The following SIPA1L1 variants were observed in gnomAD, a reference collection of about 807,000 sequenced individuals.
SIPA1L1 encodes signal induced proliferation associated 1 like 1, also known as signal-induced proliferation-associated 1-like protein 1.
A neutral mutation model predicts 162.7 loss-of-function variants in SIPA1L1; 26 were observed. The observed-to-expected ratio is 0.16, with a 90% CI of 0.12 to 0.22. SIPA1L1 has a LOEUF of 0.22. Among genes scored for constraint, SIPA1L1 ranks in the 10% least tolerant of loss-of-function variants. The pLI, the probability that SIPA1L1 is intolerant of heterozygous loss-of-function variation, is 1.00. For synonymous variants in SIPA1L1, 829 were observed against 837.4 expected, an observed-to-expected ratio of 0.99 and a Z score of 0.17; for missense variants, 1,874 against 2,241.0, an observed-to-expected ratio of 0.84 and a Z score of 3.31.
chr14:71,494,187 C>A (rs1322296108), intron 2 of SIPA1L1, among the ~76,000 whole-genome samples: 1 of 152,174 alleles, frequency 6.6e-6, no homozygotes, highest in Non-Finnish European at 1.5e-5. Flanking sequence ...TGACAGTGGA[C>A]GTCCTTGTTT....
At chr14:71,736,993 G>A (rs2085356487) in intron 22 of SIPA1L1, among the ~76,000 whole-genome samples, 1 of 152,196 alleles carries the variant, frequency 6.6e-6, no homozygotes, top group African/African-American at 2.4e-5. Flanking sequence ...CACATCCGTG[G>A]CCTTCAGCCC....
intron 17 of SIPA1L1, among the ~76,000 whole-genome samples, chr14:71,711,147 T>C (rs751250438): frequency 5.5e-4 from 84 of 152,364 alleles, no homozygotes; most frequent in Non-Finnish European, 9.8e-4. Flanking sequence ...GGAAACTCCA[T>C]GGCTTCCAAG....
At chr14:71,370,858 A>G (rs906608540) in intron 2 of SIPA1L1, among the ~76,000 whole-genome samples, 1 of 152,140 alleles carries the variant, frequency 6.6e-6, no homozygotes, top group Non-Finnish European at 1.5e-5. Flanking sequence ...TATGTTATTT[A>G]TATTTGTATA....
chr14:71,385,237 A>G (rs766950167), intron 2 of SIPA1L1, among the ~76,000 whole-genome samples: 10 of 152,302 alleles, frequency 6.6e-5, no homozygotes, highest in African/African-American at 1.7e-4. Flanking sequence ...CTTCCTCAAC[A>G]TGGTCAAGGT....
At chr14:71,715,627 T>A (rs8007783) in intron 17 of SIPA1L1, among the ~76,000 whole-genome samples, 13,791 of 152,298 alleles carry the variant, frequency 0.091, 720 homozygotes, top group African/African-American at 0.13. Flanking sequence ...TAAAAAAGAT[T>A]ATCAAATGTA....
chr14:71,665,803 A>G (rs1182535293), intron 10 of SIPA1L1, among the ~76,000 whole-genome samples: 1 of 152,196 alleles, frequency 6.6e-6, no homozygotes, highest in Non-Finnish European at 1.5e-5. Flanking sequence ...TTGTTCCTAT[A>G]TGATAACGTT....
chr14:71,512,638 G>A (rs1250634221), intron 2 of SIPA1L1, 105 bp from the exon 3 acceptor site: 2 of 118,908 alleles, frequency 1.7e-5, no homozygotes, highest in Non-Finnish European at 3.3e-5. Context: ...GCCCTGCAAT[G>A]CCATCTTTTG....
At chr14:71,715,640 G>A (rs1436158660) in intron 17 of SIPA1L1, among the ~76,000 whole-genome samples, 1 of 152,168 alleles carries the variant, frequency 6.6e-6, no homozygotes, top group African/African-American at 2.4e-5. Flanking sequence ...CAAATGTATT[G>A]CAAACTGTAA....
chr14:71,411,495 C>T (rs192707696), intron 2 of SIPA1L1, among the ~76,000 whole-genome samples: 431 of 152,270 alleles, frequency 2.8e-3, no homozygotes, highest in Non-Finnish European at 5.0e-3. Flanking sequence ...TGTCTTCTCT[C>T]TGTAGTGGAG....
intron 2 of SIPA1L1, among the ~76,000 whole-genome samples, chr14:71,446,733 A>G (rs1395583785): frequency 2.0e-5 from 3 of 152,144 alleles, no homozygotes; most frequent in Non-Finnish European, 4.4e-5. Flanking sequence ...ATTAGGTCAG[A>G]GTGTCTGAAT....
intron 2 of SIPA1L1, among the ~76,000 whole-genome samples, chr14:71,425,835 C>T (rs1595396920): frequency 6.9e-6 from 1 of 145,082 alleles, no homozygotes; most frequent in Middle Eastern, 4.0e-3. Context: ...GTCTATTTCT[C>T]TCTTTGGTTT....
intron 5 of SIPA1L1, among the ~76,000 whole-genome samples, chr14:71,608,338 A>C (rs188587851): frequency 1.7e-3 from 264 of 152,290 alleles, no homozygotes; most frequent in Non-Finnish European, 2.7e-3. Flanking sequence ...TAAATCCTTC[A>C]ATAGCCTTTT....
At chr14:71,595,935 G>A (rs948694984) in intron 5 of SIPA1L1, among the ~76,000 whole-genome samples, 4 of 152,062 alleles carry the variant, frequency 2.6e-5, no homozygotes, top group Non-Finnish European at 5.9e-5. Context: ...CCAAATTCTA[G>A]GTTTCTTAGT....
At chr14:71,698,930 G>A (rs1409743499) in intron 13 of SIPA1L1, 51 bp from the exon 14 acceptor site, 1 of 1,603,484 alleles carries the variant, frequency 6.2e-7, no homozygotes, top group Non-Finnish European at 8.5e-7. Context: ...GCGTTGCCTT[G>A]GGATTTTCCC....
intron 2 of SIPA1L1, among the ~76,000 whole-genome samples, chr14:71,331,817 C>T (rs1478104090): frequency 6.6e-6 from 1 of 152,074 alleles, no homozygotes; most frequent in African/African-American, 2.4e-5. Context: ...AACCACAGCA[C>T]TGTTTTATAT....
At chr14:71,558,421 T>C (rs2056521401) in intron 4 of SIPA1L1, among the ~76,000 whole-genome samples, 2 of 152,292 alleles carry the variant, frequency 1.3e-5, no homozygotes, top group East Asian at 1.9e-4. Context: ...TAGGAGACAG[T>C]AGGAAACTAC....
intron 7 of SIPA1L1, among the ~76,000 whole-genome samples, chr14:71,629,271 C>G (rs1025824823): frequency 6.6e-6 from 1 of 152,180 alleles, no homozygotes; most frequent in Admixed American, 6.5e-5. Context: ...GTGACTAGGC[C>G]AGGCACTGTG....
chr14:71,544,164 T>C (rs1477342253), intron 4 of SIPA1L1, among the ~76,000 whole-genome samples: 8 of 139,376 alleles, frequency 5.7e-5, no homozygotes, highest in African/African-American at 1.0e-4. Context: ...TGTGTATATG[T>C]ACATATATGC....
intron 3 of SIPA1L1, among the ~76,000 whole-genome samples, chr14:71,513,674 A>G (rs750456459): frequency 6.6e-6 from 1 of 152,026 alleles, no homozygotes; most frequent in African/African-American, 2.4e-5. Context: ...AAATTTTTCT[A>G]TAGAAATGGG....
Sources: allele counts gnomAD v4.1 joint callset (sites outside exome capture counted in the v4.1 genomes callset), GRCh38; gene constraint gnomAD v4.1.1; transcripts MANE v1.5; gene names NCBI Gene and HGNC (gene_info 2026-07-23, HGNC 2026-07-21).